ARHGEF1: variants seen among roughly 807,000 people sequenced by gnomAD.
ARHGEF1 encodes Rho guanine nucleotide exchange factor 1, also known as 115 kDa guanine nucleotide exchange factor.
A neutral mutation model predicts 119.7 loss-of-function variants in ARHGEF1; 40 were observed. The ratio of observed to expected loss-of-function variants is 0.33; its 90% CI spans 0.26 to 0.44. The LOEUF (loss-of-function observed/expected upper bound fraction) is 0.44. ARHGEF1 is among the 20% of genes least tolerant of loss of function. The pLI is 1.00. For synonymous variants in ARHGEF1, 494 were observed against 521.0 expected, an observed-to-expected ratio of 0.95 and a Z score of 0.71; for missense variants, 976 against 1,268.3, an observed-to-expected ratio of 0.77 and a Z score of 3.50.
intron 14 of ARHGEF1, 103 bp downstream of exon 14, chr19:41,898,690 A>G (rs2074552354): frequency 1.4e-6 from 2 of 1,407,912 alleles, no homozygotes; most frequent in East Asian, 2.6e-5. Context: ...GTCATTTACC[A>G]TCGGGAGAAC....
chr19:41,914,722 C>G (rs1380285540), intron 18 of ARHGEF1, among the ~76,000 whole-genome samples: 4 of 18,400 alleles, frequency 2.2e-4, no homozygotes, highest in Non-Finnish European at 3.3e-4. Flanking sequence ...CTCTGTCTCT[C>G]CCTCCCCTTC....
At position 41,904,161 on chromosome 19, in the gene ARHGEF1, G is replaced by A. The variant is rs1190333352; in HGVS notation, c.1993+51G>A. 5 of 1,613,020 alleles carry A rather than the reference G, an allele frequency of 3.1e-6. No individual in the cohort carries two copies. The highest frequency in any genetic ancestry group is 4.2e-6 in the Non-Finnish European group (5 of 1,179,196). On this transcript the variant is annotated intron_variant, in intron 21 of 28. Transcript: ENST00000354532. The surrounding 1 kb of genome is among the most constrained non-coding windows in gnomAD (Gnocchi z 8.4). ...GCAGGGTGTTGGGGCAGTGAGCCAAGGGCGGGGAGGGGGTCGCGCGGGGGC... is the reference window on the plus strand; with the variant it reads ...GCAGGGTGTTGGGGCAGTGAGCCAAAGGCGGGGAGGGGGTCGCGCGGGGGC...
In ARHGEF1 at chr19:41,893,295, A is replaced by G. The variant is rs2074408228; in HGVS notation, c.636A>G (p.Glu212=). 2 of 1,609,840 alleles carry G rather than the reference A, an allele frequency of 1.2e-6. No individual in the cohort carries two copies. Among genetic ancestry groups the G allele is most frequent in the Middle Eastern group, 1.6e-4 (1 of 6,072 alleles). Residue 212 remains glutamate, a synonymous_variant, in exon 8 of 29, where the codon GAA becomes GAG. Transcript: ENST00000354532. Reference sequence around the variant, plus strand: ...ACAGACATACCATCTCTACCGACGAAGAAAAGAGGTGAGGGGGGCAGGGGA... The same window carrying G: ...ACAGACATACCATCTCTACCGACGAGGAAAAGAGGTGAGGGGGGCAGGGGA... The part of the protein sequence containing the change: ...EEMQHTISTD[E]EKSAAVVNAI...
chr19:41,902,375 C>G lies in ARHGEF1; in HGVS notation c.1497+19C>G. The G allele has an allele frequency of 1.9e-6, 3 of 1,613,764 alleles. No homozygotes were observed. Among genetic ancestry groups the G allele is most frequent in the Non-Finnish European group, 2.5e-6 (3 of 1,179,922 alleles). On this transcript the variant is annotated intron_variant, in intron 16 of 28. Transcript: ENST00000354532. The surrounding 1 kb of genome is among the most constrained non-coding windows in gnomAD (Gnocchi z 6.5). ...GGCCCGGGTGAGATGCCCAGCCCTCCCGCTCCTCCCAGCTAGACACATGGA... is the reference window on the plus strand; with the variant it reads ...GGCCCGGGTGAGATGCCCAGCCCTCGCGCTCCTCCCAGCTAGACACATGGA...
Position 41,905,578 on chromosome 19 carries a change from T to TC in ARHGEF1, c.2337-180dup. ...CGACCCCACCACTGCCCCGTCTGTCTCCTGTCTCCAGGCCTCTGTGTCTTC... is the reference window on the plus strand; with the variant it reads ...CGACCCCACCACTGCCCCGTCTGTCTCCCTGTCTCCAGGCCTCTGTGTCTTC... On this transcript the variant is annotated intron_variant, in intron 24 of 28. Transcript: ENST00000354532. This position sits in a 1 kb window ranked among gnomAD's most constrained non-coding sequence, Gnocchi z 6.4. The TC allele has an allele frequency of 1.5e-6, 1 of 655,944 alleles. No homozygotes were observed. Among genetic ancestry groups the TC allele is most frequent in the Non-Finnish European group, 2.6e-6 (1 of 385,078 alleles). The allele number at this position is 655,944 out of a possible 1,614,324, so 40.6% of individuals were successfully genotyped here. A position where few individuals can be genotyped will look rare whatever the true frequency, so the allele number is the denominator to read the frequency against.
chr19:41,907,062 T>G (rs2074713812), intron 28 of ARHGEF1, 43 bp from the exon 29 acceptor site: 2 of 1,447,010 alleles, frequency 1.4e-6, no homozygotes, highest in Non-Finnish European at 9.1e-7. Context: ...CCTGTCTCTC[T>G]CTCCATCTCT....
chr19:41,907,028 G>A lies in ARHGEF1; in HGVS notation c.*18-77G>A, dbSNP rs2074712086. ...CTCCCCTTCTCTCTCTGCTCTCCCT[G>A]TCTTGTCTCTGTGTCTGTCTCTCCC... On this transcript the variant is annotated intron_variant, in intron 28 of 28. Coordinates refer to ENST00000354532, the MANE Select transcript of ARHGEF1 (RefSeq NM_004706.4). 1.5e-6 allele frequency: 2 copies of A among 1,344,994 alleles called. No homozygotes were observed. The highest frequency in any genetic ancestry group is 3.0e-5 in the African/African-American group (2 of 67,646). 83.3% of individuals were successfully genotyped at this position (1,344,994 alleles called of 1,614,324 possible). A position where few individuals can be genotyped will look rare whatever the true frequency, so the allele number is the denominator to read the frequency against.
In ARHGEF1 at chr19:41,906,123, C is replaced by T; in HGVS notation, c.2491+98C>T. ...TCCACGTCAAAAATTTCCTTACGCC[C>T]AGCTGCCAGAAAACAAATGCTCCAA... On this transcript the variant is annotated intron_variant, in intron 26 of 28. Transcript: ENST00000354532. The surrounding 1 kb of genome is among the most constrained non-coding windows in gnomAD (Gnocchi z 4.5). 1 of 1,220,474 alleles carries T rather than the reference C, an allele frequency of 8.2e-7. No individual in the cohort carries two copies. The highest frequency in any genetic ancestry group is 1.2e-6 in the Non-Finnish European group (1 of 853,046). 75.6% of individuals were successfully genotyped at this position (1,220,474 alleles called of 1,614,324 possible). A position where few individuals can be genotyped will look rare whatever the true frequency, so the allele number is the denominator to read the frequency against.
downstream of ARHGEF1, chr19:41,910,124 TG>T (rs2074743936): frequency 6.3e-7 from 1 of 1,596,760 alleles, no homozygotes; most frequent in South Asian, 1.1e-5. This position sits in a 1 kb window ranked among gnomAD's most constrained non-coding sequence, Gnocchi z 4.4. Context: ...GGGAGTGGCC[TG>T]GGGTCAGGAT....
intron 13 of ARHGEF1, chr19:41,897,162 G>GC: frequency 3.2e-6 from 2 of 629,134 alleles, no homozygotes; most frequent in Non-Finnish European, 2.4e-6. Context: ...TCTGCTCTGT[G>GC]CCCTGGGGGC....
Position 41,892,797 on chromosome 19 carries a change from G to A in ARHGEF1, c.562G>A (p.Ala188Thr). Residue 188 changes from alanine (A) to threonine (T), a missense_variant, in exon 7 of 29, where the codon GCC (alanine) becomes ACC (threonine). Around this residue, in one of 3 missense-constraint regions of ARHGEF1, gnomAD observed 519 missense variants for 580.9 expected, o/e 0.89. Transcript: ENST00000354532. The surrounding 1 kb of genome is among the most constrained non-coding windows in gnomAD (Gnocchi z 6.3). ...WVGRDRASYE[A>T]RERHVAERLL... ...TGGGCGGGACCGAGCCAGCTACGAG[G>A]CCCGGGAGCGGCACGTGGCGGAGCG... 1 of 1,595,622 alleles carries A rather than the reference G, an allele frequency of 6.3e-7. No individual in the cohort carries two copies.
Position 41,905,029 on chromosome 19 carries a change from C to T in ARHGEF1, c.2242C>T (p.Arg748Trp). Reference sequence around the variant, plus strand: ...GCTGGTGGCACAGACTGTGTCGGAGCGGAAAAAGTGAGGGGGGGTCTGAGT... The same window carrying T: ...GCTGGTGGCACAGACTGTGTCGGAGTGGAAAAAGTGAGGGGGGGTCTGAGT... ...YELVAQTVSE[R>W]KNWCALITET... Residue 748 changes from arginine (R) to tryptophan (W), a missense_variant, in exon 23 of 29, where the codon CGG becomes TGG. Coordinates refer to ENST00000354532, the MANE Select transcript of ARHGEF1 (RefSeq NM_004706.4). The surrounding 1 kb of genome is among the most constrained non-coding windows in gnomAD (Gnocchi z 6.4). The T allele has an allele frequency of 6.2e-7, 1 of 1,614,060 alleles. No homozygotes were observed. The highest frequency in any genetic ancestry group is 8.5e-7 in the Non-Finnish European group (1 of 1,179,966).
intron 7 of ARHGEF1, 62 bp from the exon 8 acceptor site, chr19:41,893,212 C>T (rs782067515): frequency 6.2e-7 from 1 of 1,605,840 alleles, no homozygotes; most frequent in East Asian, 2.2e-5. Context: ...GAGATGTATC[C>T]TGGGTGGATG....
Position 41,888,182 on chromosome 19 carries a change from C to G in ARHGEF1, c.25-10C>G, listed in dbSNP as rs200213676. The G allele has an allele frequency of 1.1e-4, 181 of 1,614,150 alleles. No homozygotes were observed. The East Asian group carries it at 3.6e-3, about 32-fold the overall frequency. On this transcript the variant is annotated splice_polypyrimidine_tract_variant and intron_variant, in intron 2 of 28. Coordinates refer to ENST00000354532, the MANE Select transcript of ARHGEF1 (RefSeq NM_004706.4). The surrounding 1 kb of genome is among the most constrained non-coding windows in gnomAD (Gnocchi z 5.1). ...GTCCTGTGGACTGAAGCTGCCCTCC[C>G]TTTCCACAGGCCTCCCCAGGCCCCT...
chr19:41,912,221 G>A (rs1265259489), downstream of ARHGEF1, among the ~76,000 whole-genome samples: 1 of 152,188 alleles, frequency 6.6e-6, no homozygotes, highest in Admixed American at 6.5e-5. Context: ...CATTCTCCCA[G>A]TGTGACCCCT....
upstream of ARHGEF1, among the ~76,000 whole-genome samples, chr19:41,919,496 TGTGC>T (rs2145901972): frequency 6.8e-6 from 1 of 147,790 alleles, no homozygotes; most frequent in South Asian, 2.1e-4. Flanking sequence ...ACCACCCACG[TGTGC>T]ACGTGCACGC....
At position 41,903,722 on chromosome 19, in the gene ARHGEF1, C is replaced by G. The variant is rs2074642652; in HGVS notation, c.1855C>G (p.Gln619Glu). The change falls in exon 20 of 29, where the codon CAG (glutamine) becomes GAG (glutamate). Residue 619 changes from glutamine (Q) to glutamate (E), a missense_variant. Around this residue, in one of 3 missense-constraint regions of ARHGEF1, gnomAD observed 286 missense variants for 506.8 expected, o/e 0.56. Coordinates refer to ENST00000354532, the MANE Select transcript of ARHGEF1 (RefSeq NM_004706.4). This position sits in a 1 kb window ranked among gnomAD's most constrained non-coding sequence, Gnocchi z 4.2. ...MEDLLRLKDY[Q>E]RRLDLSHLRQ... is the part of the protein sequence containing the mutation. ...TCTGCCCCAGAGGCTCAAGGACTATCAGCGGCGCCTGGACTTGTCCCACCT... is the reference window on the plus strand; with the variant it reads ...TCTGCCCCAGAGGCTCAAGGACTATGAGCGGCGCCTGGACTTGTCCCACCT... 1 of 1,613,014 alleles carries G rather than the reference C, an allele frequency of 6.2e-7. No individual in the cohort carries two copies. The highest frequency in any genetic ancestry group is 8.5e-7 in the Non-Finnish European group (1 of 1,180,024).
Position 41,894,454 on chromosome 19 carries a change from A to G in ARHGEF1, c.748A>G (p.Met250Val). The stretch of plus-strand genomic sequence containing the variant: ...CTTCCTCCCCGCCCTCTCACAGGTG[A>G]TGGGGAACCGGCGGTCGGACGAGCC... The part of the protein sequence containing the change: ...SGRNFFRKKV[M>V]GNRRSDEPAK... Residue 250 changes from methionine (M) to valine (V), a missense_variant, in exon 10 of 29, where the codon ATG (methionine) becomes GTG (valine). Transcript: ENST00000354532. 6.4e-7 allele frequency: 1 copy of G among 1,559,670 alleles called. No homozygotes were observed. The highest frequency in any genetic ancestry group is 8.7e-7 in the Non-Finnish European group (1 of 1,150,854).
chr19:41,894,164 GTGTCTT>G, intron 8 of ARHGEF1, 37 bp from the exon 9 acceptor site: 6 of 1,198,696 alleles, frequency 5.0e-6, no homozygotes, highest in South Asian at 1.6e-5. Context: ...GTGTGTGTGT[GTGTCTT>G]TGTGTGTGTT....
Sources: allele counts gnomAD v4.1 joint callset (sites outside exome capture counted in the v4.1 genomes callset), GRCh38; gene constraint gnomAD v4.1.1; regional missense constraint gnomAD v4.1.1; non-coding constraint Gnocchi (gnomAD v3.1); transcripts MANE v1.5; gene names NCBI Gene and HGNC (gene_info 2026-07-23, HGNC 2026-07-21).